Variants in DPP10 observed in about 807,000 individuals in gnomAD.
DPP10 encodes the protein dipeptidyl peptidase like 10.
In DPP10, 33 loss-of-function variants were observed where a neutral mutation model predicts 120.9. The ratio of observed to expected loss-of-function variants is 0.27; its 90% CI spans 0.21 to 0.37. DPP10 has a LOEUF of 0.37. Among genes scored for constraint, DPP10 ranks in the 10% least tolerant of loss-of-function variants. The pLI is 1.00. For missense variants in DPP10, 816 were observed against 942.8 expected, an observed-to-expected ratio of 0.87 and a Z score of 1.76; for synonymous variants, 337 against 326.1, an observed-to-expected ratio of 1.03 and a Z score of -0.36.
chr2:114,980,695 AAC>A (rs1700028228), intron 1 of DPP10, among the ~76,000 whole-genome samples: 1 of 151,890 alleles, frequency 6.6e-6, no homozygotes, highest in Non-Finnish European at 1.5e-5. Context: ...AAATGGCCAA[AAC>A]ACAATCCCAG....
chr2:115,115,364 C>T (rs1457359280), intron 1 of DPP10, among the ~76,000 whole-genome samples: 1 of 152,106 alleles, frequency 6.6e-6, no homozygotes, highest in African/African-American at 2.4e-5. Flanking sequence ...CAATAAGATC[C>T]AGGGTTACCT....
chr2:114,717,021 T>A (rs554982733), intron 1 of DPP10, among the ~76,000 whole-genome samples: 2 of 152,366 alleles, frequency 1.3e-5, no homozygotes, highest in South Asian at 4.1e-4. Context: ...GAGCCAGTGC[T>A]GCCTGTGCCT....
intron 3 of DPP10, among the ~76,000 whole-genome samples, chr2:115,377,574 ATT>A (rs1448636881): frequency 1.3e-5 from 2 of 151,994 alleles, no homozygotes; most frequent in African/African-American, 4.8e-5. Flanking sequence ...CCATTTGTCA[ATT>A]TTGTCTTTTG....
intron 3 of DPP10, among the ~76,000 whole-genome samples, chr2:115,416,266 C>G (rs2069421792): frequency 6.6e-6 from 1 of 152,190 alleles, no homozygotes; most frequent in East Asian, 1.9e-4. Flanking sequence ...AAAAGCAAAT[C>G]CACACTTATT....
intron 8 of DPP10, among the ~76,000 whole-genome samples, chr2:115,733,272 A>T (rs901444356): frequency 1.3e-5 from 2 of 152,180 alleles, no homozygotes; most frequent in Non-Finnish European, 2.9e-5. Flanking sequence ...GGCGACATGA[A>T]ATTGCATTCA....
At position 115,062,468 on chromosome 2, in the gene DPP10, C is replaced by T. The variant is rs369384274; in HGVS notation, c.61-246771C>T. Among the ~76,000 whole-genome samples, 8 of 152,248 alleles carry T rather than the reference C, an allele frequency of 5.3e-5. No individual in the cohort carries two copies. The East Asian group carries it at 1.5e-3, about 29-fold the overall frequency. On this transcript the variant is annotated intron_variant, in intron 1 of 25. Transcript: ENST00000410059. ...TTCCATGGTGATTTGCTGTACCTAT[C>T]AACCCATCACCTAGGTATTAAGCCC...
chr2:115,833,848 T>C (rs967696177), intron 21 of DPP10, among the ~76,000 whole-genome samples: 1 of 152,208 alleles, frequency 6.6e-6, no homozygotes, highest in African/African-American at 2.4e-5. Context: ...CGGAAACTTC[T>C]GACCCCAAGC....
At chr2:114,669,918 A>C (rs1427152853) in intron 1 of DPP10, among the ~76,000 whole-genome samples, 1 of 152,156 alleles carries the variant, frequency 6.6e-6, no homozygotes, top group Non-Finnish European at 1.5e-5. Context: ...CACATGAAAA[A>C]ATGCTCATCA....
At chr2:115,319,386 A>T (rs1238001008) in intron 2 of DPP10, among the ~76,000 whole-genome samples, 1 of 152,140 alleles carries the variant, frequency 6.6e-6, no homozygotes, top group Non-Finnish European at 1.5e-5. Context: ...TAGGTTTCAT[A>T]TCAAAATAAT....
intron 4 of DPP10, among the ~76,000 whole-genome samples, chr2:115,514,909 T>C (rs2077420039): frequency 6.6e-6 from 1 of 151,848 alleles, no homozygotes; most frequent in Non-Finnish European, 1.5e-5. Flanking sequence ...TTTGTATATA[T>C]CTTCATGGAT....
intron 1 of DPP10, among the ~76,000 whole-genome samples, chr2:115,192,761 CCATAA>C (rs1446819710): frequency 3.3e-5 from 5 of 151,966 alleles, no homozygotes; most frequent in Admixed American, 2.0e-4. Flanking sequence ...TAATGTCTGA[CCATAA>C]CATAAGATTT....
At chr2:115,803,244 G>T (rs1031299978) in intron 19 of DPP10, among the ~76,000 whole-genome samples, 5 of 152,222 alleles carry the variant, frequency 3.3e-5, no homozygotes, top group African/African-American at 1.2e-4. Flanking sequence ...TCTGAGACTA[G>T]GATTGCAACC....
Position 115,132,494 on chromosome 2 carries a change from G to C in DPP10, c.61-176745G>C, listed in dbSNP as rs1435313125. Among the ~76,000 whole-genome samples the C allele has an allele frequency of 2.6e-5, 4 of 152,184 alleles. No individual in the cohort carries two copies. In the East Asian group the frequency reaches 7.7e-4, roughly 29 times the overall value. On this transcript the variant is annotated intron_variant, in intron 1 of 25. Coordinates refer to ENST00000410059, the MANE Select transcript of DPP10 (RefSeq NM_020868.6). ...ATGGTAAAATATTTTATTTCCTTCG[G>C]GATGTGCTTTCTGTCATTTCTGTCA...
At chr2:115,206,561 C>G (rs772938644) in intron 1 of DPP10, among the ~76,000 whole-genome samples, 1 of 152,128 alleles carries the variant, frequency 6.6e-6, no homozygotes, top group Non-Finnish European at 1.5e-5. Context: ...CAAAGTCAAG[C>G]TATTGACATA....
At chr2:115,455,738 T>C (rs1389573779) in intron 3 of DPP10, among the ~76,000 whole-genome samples, 5 of 152,134 alleles carry the variant, frequency 3.3e-5, no homozygotes, top group Admixed American at 6.6e-5. Flanking sequence ...ATTTAATAAA[T>C]GGTGTTGGGA....
Position 115,240,717 on chromosome 2 carries a change from G to A in DPP10, c.61-68522G>A, listed in dbSNP as rs527419420. 5.4e-4 allele frequency among the ~76,000 whole-genome samples: 82 copies of A among 152,230 alleles called. No homozygotes were observed. The Middle Eastern group carries it at 0.01, about 19-fold the overall frequency. ...ATATTTGCTTTATTGGGGTGATATG[G>A]AGTCGAACCCACAATGTCTTCAAAG... On this transcript the variant is annotated intron_variant, in intron 1 of 25. Transcript: ENST00000410059.
chr2:114,464,307 G>GT (rs2104580071), intron 1 of DPP10, among the ~76,000 whole-genome samples: 2 of 152,200 alleles, frequency 1.3e-5, no homozygotes, highest in South Asian at 4.2e-4. Flanking sequence ...GCACGTAATG[G>GT]TATCTTCTTG....
intron 3 of DPP10, among the ~76,000 whole-genome samples, chr2:115,344,266 C>T (rs1012216184): frequency 6.6e-6 from 1 of 151,804 alleles, no homozygotes; most frequent in African/African-American, 2.4e-5. Context: ...TAAGATAGGG[C>T]GTCAATAAAT....
intron 1 of DPP10, among the ~76,000 whole-genome samples, chr2:114,625,885 T>C (rs1426751916): frequency 6.6e-6 from 1 of 151,928 alleles, no homozygotes; most frequent in Non-Finnish European, 1.5e-5. Context: ...GGTTTCCTTT[T>C]AGTGGAAAAT....
Sources: allele counts gnomAD v4.1 joint callset (sites outside exome capture counted in the v4.1 genomes callset), GRCh38; gene constraint gnomAD v4.1.1; transcripts MANE v1.5; gene names NCBI Gene and HGNC (gene_info 2026-07-23, HGNC 2026-07-21).